The following SNX29 variants were observed in gnomAD, a reference collection of about 807,000 sequenced individuals.
The protein encoded by SNX29 is sorting nexin 29.
A neutral mutation model predicts 102.1 loss-of-function variants in SNX29; 78 were observed. The ratio of observed to expected loss-of-function variants is 0.76; its 90% CI spans 0.64 to 0.92. The LOEUF is 0.92. SNX29 is among the 40% of genes least tolerant of loss of function. SNX29 has a pLI of 0.00. For synonymous variants in SNX29, 580 were observed against 414.5 expected, an observed-to-expected ratio of 1.40 and a Z score of -4.85; for missense variants, 1,280 against 1,061.7, an observed-to-expected ratio of 1.21 and a Z score of -2.86.
At chr16:12,562,383 C>T (rs201437024) in intron 20 of SNX29, among the ~76,000 whole-genome samples, 4 of 84,550 alleles carry the variant, frequency 4.7e-5, no homozygotes, top group African/African-American at 2.5e-4. Context: ...TTTAAAACAG[C>T]TCAAGAGACA....
chr16:12,338,460 G>C (rs1364883423), intron 15 of SNX29, among the ~76,000 whole-genome samples: 2 of 152,180 alleles, frequency 1.3e-5, no homozygotes, highest in Admixed American at 1.3e-4. Flanking sequence ...CCCCTCTTAG[G>C]TTCTCACCGT....
At chr16:12,449,835 G>A (rs549891701) in intron 18 of SNX29, among the ~76,000 whole-genome samples, 27 of 152,288 alleles carry the variant, frequency 1.8e-4, no homozygotes, top group Middle Eastern at 3.4e-3. Context: ...GGTGACAGGG[G>A]CAGACAACAG....
chr16:12,566,720 A>C (rs1567220277), intron 20 of SNX29, among the ~76,000 whole-genome samples: 1 of 152,088 alleles, frequency 6.6e-6, no homozygotes, highest in Non-Finnish European at 1.5e-5. Context: ...CTTTGAAGAG[A>C]GGATCATGTT....
intron 20 of SNX29, among the ~76,000 whole-genome samples, chr16:12,558,725 A>G (rs908332814): frequency 5.3e-5 from 8 of 152,126 alleles, no homozygotes; most frequent in African/African-American, 1.9e-4. Context: ...GGGGCTGCAC[A>G]AGCCTCACCA....
chr16:12,511,396 C>CG (rs1252602206), intron 19 of SNX29, among the ~76,000 whole-genome samples: 1 of 151,974 alleles, frequency 6.6e-6, no homozygotes, highest in African/African-American at 2.4e-5. Flanking sequence ...CTGTCTATTT[C>CG]CCAAAGCTGT....
chr16:12,567,702 C>T (rs746531352), intron 20 of SNX29, among the ~76,000 whole-genome samples: 25 of 152,168 alleles, frequency 1.6e-4, no homozygotes, highest in Non-Finnish European at 2.6e-4. Flanking sequence ...ATCGAGGCTG[C>T]AGCAAGTTAT....
chr16:12,006,717 C>G (rs2056466633), intron 3 of SNX29, among the ~76,000 whole-genome samples: 1 of 151,882 alleles, frequency 6.6e-6, no homozygotes, highest in South Asian at 2.1e-4. Context: ...ACCTCCCAGG[C>G]TCAAGATCTT....
chr16:12,557,021 C>G (rs1224310702), intron 20 of SNX29, among the ~76,000 whole-genome samples: 1 of 42,640 alleles, frequency 2.3e-5, no homozygotes, highest in Non-Finnish European at 6.1e-5. Context: ...ATTTACCCCC[C>G]CCCCGCCCCA....
At chr16:12,135,462 G>A (rs13331565) in intron 13 of SNX29, 28,698 of 1,257,854 alleles carry the variant, frequency 0.023, 669 homozygotes, top group South Asian at 0.092. Context: ...TTACAGGAGG[G>A]CATGTGACCA....
intron 18 of SNX29, among the ~76,000 whole-genome samples, chr16:12,476,762 A>C (rs544772524): frequency 2.0e-5 from 3 of 151,964 alleles, no homozygotes; most frequent in Admixed American, 6.6e-5. Flanking sequence ...GAGACATTCT[A>C]TGGTCGCCAT....
chr16:12,133,377 G>A (rs1038039056), intron 13 of SNX29, among the ~76,000 whole-genome samples: 5 of 130,730 alleles, frequency 3.8e-5, no homozygotes, highest in African/African-American at 8.7e-5. Flanking sequence ...TGCATCCTCC[G>A]CCTCCTGGGC....
intron 19 of SNX29, among the ~76,000 whole-genome samples, chr16:12,488,772 C>G (rs1356362048): frequency 6.6e-6 from 1 of 152,150 alleles, no homozygotes; most frequent in Non-Finnish European, 1.5e-5. Flanking sequence ...AAGACTCTGC[C>G]TTAGTTGTTC....
At chr16:12,539,892 G>T (rs1048549672) in intron 20 of SNX29, among the ~76,000 whole-genome samples, 1 of 152,148 alleles carries the variant, frequency 6.6e-6, no homozygotes, top group East Asian at 1.9e-4. Flanking sequence ...GGCTGTTTGT[G>T]GTTTTACAAA....
chr16:12,541,257 G>C (rs1444552225), intron 20 of SNX29, among the ~76,000 whole-genome samples: 2 of 152,144 alleles, frequency 1.3e-5, no homozygotes, highest in Non-Finnish European at 2.9e-5. Flanking sequence ...TATCTTATCA[G>C]GGAGAGAATG....
intron 20 of SNX29, among the ~76,000 whole-genome samples, chr16:12,564,425 ATCC>A (rs1294600495): frequency 2.6e-5 from 4 of 152,330 alleles, no homozygotes; most frequent in African/African-American, 9.6e-5. Context: ...TGGCACTATT[ATCC>A]TCATTTCACA....
intron 3 of SNX29, among the ~76,000 whole-genome samples, chr16:12,020,589 T>C (rs1382004804): frequency 6.6e-6 from 1 of 152,100 alleles, no homozygotes; most frequent in Non-Finnish European, 1.5e-5. Flanking sequence ...GTGAACCTTT[T>C]TGAAAATTAA....
rs76066716 is a variant in SNX29 at position 12,142,273 on chromosome 16, C to T, written c.1595+12515C>T. Among the ~76,000 whole-genome samples the T allele has an allele frequency of 6.4e-3, 968 of 152,334 alleles. 3 individuals carry two copies. The highest frequency in any genetic ancestry group is 9.4e-3 in the Non-Finnish European group (641 of 68,036). On this transcript the variant is annotated intron_variant, in intron 13 of 20. Transcript: ENST00000566228. ...CGCCTCTCCTTGGGCATGAAGCTTG[C>T]TTCCCCAAGGTCGCTGGCTTTTTCC...
At chr16:12,277,841 C>A in intron 14 of SNX29, 92 bp from the exon 15 acceptor site, 1 of 1,065,320 alleles carries the variant, frequency 9.4e-7, no homozygotes, top group Non-Finnish European at 1.4e-6. Context: ...AGTCTGAAGT[C>A]ATCTGAGAAA....
chr16:12,003,331 G>A (rs567192156), intron 3 of SNX29, among the ~76,000 whole-genome samples: 1 of 152,206 alleles, frequency 6.6e-6, no homozygotes, highest in South Asian at 2.1e-4. Context: ...TTATTTTCAG[G>A]GTAATTAATA....
Sources: gnomAD v4.1 joint callset for allele counts (sites outside exome capture counted in the v4.1 genomes callset) on GRCh38, gnomAD v4.1.1 for gene constraint, MANE v1.5 for transcripts, NCBI Gene and HGNC (gene_info 2026-07-23, HGNC 2026-07-21) for gene names.